Variants in PPP1R12B observed in about 807,000 individuals in gnomAD.
PPP1R12B encodes the protein myosin phosphatase target subunit 2.
A neutral mutation model predicts 126.1 loss-of-function variants in PPP1R12B; 76 were observed. The ratio of observed to expected loss-of-function variants is 0.60; its 90% confidence interval spans 0.50 to 0.73. The LOEUF (loss-of-function observed/expected upper bound fraction) is 0.73, where lower values mean the gene tolerates loss of function less well. Among genes scored for constraint, PPP1R12B ranks in the 30% least tolerant of loss-of-function variants. PPP1R12B has a pLI of 0.00. For synonymous variants in PPP1R12B, 356 were observed against 434.7 expected (o/e 0.82, Z 2.25); for missense variants, 1,052 against 1,205.1 (o/e 0.87, Z 1.88).
chr1:202,463,033 G>GCTA, intron 13 of PPP1R12B: 2 of 985,334 alleles, frequency 2.0e-6, no homozygotes, highest in Non-Finnish European at 2.4e-6. Flanking sequence ...GTGTTTGGAT[G>GCTA]CTAACTCCAG....
chr1:202,527,012 T>C (rs567365769), intron 18 of PPP1R12B, among the ~76,000 whole-genome samples: 1 of 152,130 alleles, frequency 6.6e-6, no homozygotes, highest in East Asian at 1.9e-4. Flanking sequence ...TGAGCTAAGC[T>C]TTCAACTCAA....
intron 1 of PPP1R12B, among the ~76,000 whole-genome samples, chr1:202,351,253 AAAAC>A (rs1655942298): frequency 6.6e-6 from 1 of 151,680 alleles, no homozygotes; most frequent in Non-Finnish European, 1.5e-5. Context: ...AAAAAAAAAA[AAAAC>A]AGTGTCTCAC....
rs1256716358 is a variant in PPP1R12B at position 202,425,584 on chromosome 1, C to T, written c.560C>T (p.Ser187Leu). 7 of 1,613,700 alleles carry T rather than the reference C, an allele frequency of 4.3e-6. No individual in the cohort carries two copies. Among genetic ancestry groups the T allele is most frequent in the Non-Finnish European group, 5.9e-6 (7 of 1,179,822 alleles). ...VKKQGVDLEQ[S>L]RKEEEQQMLQ... ...TCTGTAGGAGTTGATCTAGAGCAGT[C>T]AAGAAAAGAAGAAGAGCAGCAGATG... Residue 187 changes from serine (S) to leucine (L), a missense_variant, in exon 4 of 24, where the codon TCA becomes TTA. Coordinates refer to ENST00000608999, the MANE Select transcript of PPP1R12B (RefSeq NM_002481.4).
intron 2 of PPP1R12B, among the ~76,000 whole-genome samples, chr1:202,418,285 T>C (rs1206025229): frequency 6.6e-6 from 1 of 152,202 alleles, no homozygotes; most frequent in Non-Finnish European, 1.5e-5. Context: ...GCCTTTCAAT[T>C]GCTATTTGTT....
chr1:202,523,686 G>A (rs1178757146), intron 18 of PPP1R12B, among the ~76,000 whole-genome samples: 2 of 152,022 alleles, frequency 1.3e-5, no homozygotes, highest in African/African-American at 4.8e-5. Context: ...GATGTGATCT[G>A]ACTTAAGTTG....
intron 9 of PPP1R12B, among the ~76,000 whole-genome samples, chr1:202,437,024 A>C (rs1670915989): frequency 6.6e-6 from 1 of 152,172 alleles, no homozygotes; most frequent in Non-Finnish European, 1.5e-5. Flanking sequence ...GTACCTTAAA[A>C]TGTGTTTATA....
chr1:202,367,509 A>G (rs1659444120), intron 1 of PPP1R12B, among the ~76,000 whole-genome samples: 1 of 152,156 alleles, frequency 6.6e-6, no homozygotes, highest in Admixed American at 6.5e-5. Context: ...AACCCATTCC[A>G]GTCACATTAG....
At chr1:202,491,852 C>T (rs1451923189) in intron 14 of PPP1R12B, among the ~76,000 whole-genome samples, 2 of 152,142 alleles carry the variant, frequency 1.3e-5, no homozygotes, top group South Asian at 2.1e-4. Context: ...TCAAAGGGAC[C>T]ACCGACTCCC....
intron 18 of PPP1R12B, among the ~76,000 whole-genome samples, chr1:202,533,581 A>C (rs1684229981): frequency 6.6e-6 from 1 of 152,180 alleles, no homozygotes; most frequent in South Asian, 2.1e-4. Flanking sequence ...AGCCTCCCAA[A>C]GTGCTGAGAT....
intron 18 of PPP1R12B, among the ~76,000 whole-genome samples, chr1:202,510,756 T>C (rs1183751572): frequency 1.3e-5 from 2 of 151,856 alleles, no homozygotes; most frequent in East Asian, 1.9e-4. Flanking sequence ...TGCAAAAATG[T>C]ACAAGGTAGA....
intron 4 of PPP1R12B, 28 bp from the exon 5 acceptor site, chr1:202,427,012 T>G: frequency 2.5e-6 from 4 of 1,604,266 alleles, no homozygotes; most frequent in Non-Finnish European, 3.4e-6. Flanking sequence ...ACAGAAGATA[T>G]ATGTCTTGTT....
chr1:202,576,353 G>C (rs1231031114), intron 23 of PPP1R12B: 3 of 152,224 alleles, frequency 2.0e-5, no homozygotes, highest in African/African-American at 7.2e-5. Context: ...TTAATTGTCA[G>C]CAACAATCTA....
chr1:202,407,998 T>C (rs1467004718), intron 1 of PPP1R12B, among the ~76,000 whole-genome samples: 2 of 152,208 alleles, frequency 1.3e-5, no homozygotes, highest in Non-Finnish European at 2.9e-5. Flanking sequence ...GCATTTTAAA[T>C]AATCTAGAGA....
intron 6 of PPP1R12B, 52 bp from the exon 7 acceptor site, chr1:202,430,679 T>A: frequency 5.0e-6 from 8 of 1,600,056 alleles, no homozygotes; most frequent in Non-Finnish European, 6.8e-6. Flanking sequence ...ACTGCTGATT[T>A]TTCACCAATA....
At chr1:202,379,337 G>A (rs2148482036) in intron 1 of PPP1R12B, among the ~76,000 whole-genome samples, 1 of 152,324 alleles carries the variant, frequency 6.6e-6, no homozygotes, top group Admixed American at 6.5e-5. Context: ...AATAGAGGCT[G>A]CTGAACTGTA....
At chr1:202,460,575 GT>G (rs1266118124) in intron 13 of PPP1R12B, among the ~76,000 whole-genome samples, 1 of 152,200 alleles carries the variant, frequency 6.6e-6, no homozygotes, top group Non-Finnish European at 1.5e-5. Flanking sequence ...TCTTTCTCCA[GT>G]TTTGTTCTAA....
chr1:202,409,612 G>A (rs951980128), intron 1 of PPP1R12B, among the ~76,000 whole-genome samples: 1 of 152,066 alleles, frequency 6.6e-6, no homozygotes, highest in East Asian at 1.9e-4. Context: ...GACCCACAAC[G>A]CCCAGCCAAC....
At chr1:202,545,238 C>A (rs1360916134) in intron 18 of PPP1R12B, among the ~76,000 whole-genome samples, 18 of 152,174 alleles carry the variant, frequency 1.2e-4, no homozygotes, top group Admixed American at 1.1e-3. Flanking sequence ...CAAGGAAAAT[C>A]AATAGCAGTA....
At chr1:202,484,041 G>T (rs1457267539) in intron 13 of PPP1R12B, among the ~76,000 whole-genome samples, 2 of 151,954 alleles carry the variant, frequency 1.3e-5, no homozygotes, top group East Asian at 1.9e-4. Context: ...TATATAGTTG[G>T]GTCTTGTTTT....
Sources: gnomAD v4.1 joint callset for allele counts (sites outside exome capture counted in the v4.1 genomes callset) on GRCh38, gnomAD v4.1.1 for gene constraint, MANE v1.5 for transcripts, NCBI Gene and HGNC (gene_info 2026-07-23, HGNC 2026-07-21) for gene names.